LOC128125817: variants seen among roughly 807,000 people sequenced by gnomAD.
the LOC128125817 span, among the ~76,000 whole-genome samples, chr1:41,611,195 C>G: frequency 6.6e-6 from 1 of 152,194 alleles, no homozygotes; most frequent in African/African-American, 2.4e-5. Flanking sequence ...GATGAATAAA[C>G]AAACGCTAAG....
chr1:41,610,724 T>C, the LOC128125817 span, among the ~76,000 whole-genome samples: 1 of 152,230 alleles, frequency 6.6e-6, no homozygotes, highest in African/African-American at 2.4e-5. Context: ...CAATAAATAC[T>C]TACTGAATTC....
At chr1:41,586,648 C>T in the LOC128125817 span, among the ~76,000 whole-genome samples, 5 of 152,102 alleles carry the variant, frequency 3.3e-5, no homozygotes, top group Admixed American at 6.6e-5. Context: ...CCACTTACTA[C>T]ATTTTTGCAG....
chr1:41,598,426 A>G, the LOC128125817 span, among the ~76,000 whole-genome samples: 2 of 152,244 alleles, frequency 1.3e-5, no homozygotes, highest in African/African-American at 2.4e-5. Context: ...CACACACACT[A>G]TAAGATGAAC....
chr1:41,614,400 G>T, the LOC128125817 span, among the ~76,000 whole-genome samples: 1 of 152,220 alleles, frequency 6.6e-6, no homozygotes. Context: ...CATTCTAGGG[G>T]TGGAAAACAG....
the LOC128125817 span, among the ~76,000 whole-genome samples, chr1:41,625,738 AAAAT>A: frequency 6.6e-6 from 1 of 152,230 alleles, no homozygotes; most frequent in Non-Finnish European, 1.5e-5. Context: ...GTATATATCA[AAAAT>A]AAATAAATAA....
chr1:41,614,810 A>C, the LOC128125817 span, among the ~76,000 whole-genome samples: 1 of 152,232 alleles, frequency 6.6e-6, no homozygotes, highest in Non-Finnish European at 1.5e-5. Context: ...AGTTAGCTGC[A>C]CAGTCTCCGT....
At chr1:41,610,761 G>T in the LOC128125817 span, among the ~76,000 whole-genome samples, 1 of 152,122 alleles carries the variant, frequency 6.6e-6, no homozygotes, top group African/African-American at 2.4e-5. Flanking sequence ...TGAGGCATTC[G>T]CACTCTAGGT....
At chr1:41,609,279 C>T in the LOC128125817 span, among the ~76,000 whole-genome samples, 19 of 152,362 alleles carry the variant, frequency 1.2e-4, no homozygotes, top group East Asian at 3.3e-3. Context: ...AGGGGGAACA[C>T]TTCTGATGTT....
At chr1:41,590,460 C>T in the LOC128125817 span, among the ~76,000 whole-genome samples, 5 of 152,202 alleles carry the variant, frequency 3.3e-5, no homozygotes, top group African/African-American at 9.7e-5. Flanking sequence ...CCCTCCACCT[C>T]TCCATTTTGT....
At chr1:41,621,765 G>A in the LOC128125817 span, among the ~76,000 whole-genome samples, 7 of 152,148 alleles carry the variant, frequency 4.6e-5, no homozygotes, top group Non-Finnish European at 2.9e-5. Context: ...TGATCCTCCT[G>A]CCTCAGCCTC....
At chr1:41,625,642 G>A in the LOC128125817 span, among the ~76,000 whole-genome samples, 1 of 152,200 alleles carries the variant, frequency 6.6e-6, no homozygotes, top group Non-Finnish European at 1.5e-5. Flanking sequence ...AGCTGAGATA[G>A]GAGGATCCCT....
At chr1:41,595,961 C>T in the LOC128125817 span, among the ~76,000 whole-genome samples, 1 of 152,106 alleles carries the variant, frequency 6.6e-6, no homozygotes, top group African/African-American at 2.4e-5. Context: ...TTTATGTATA[C>T]ATCTATCCTA....
chr1:41,626,099 T>C, the LOC128125817 span, among the ~76,000 whole-genome samples: 116,812 of 152,222 alleles, frequency 0.77, 45,720 homozygotes, highest in East Asian at 1. Flanking sequence ...TTCTGAAGAG[T>C]GGCTGTGACT....
the LOC128125817 span, among the ~76,000 whole-genome samples, chr1:41,625,157 C>A: frequency 1.5e-5 from 1 of 65,744 alleles, no homozygotes; most frequent in Non-Finnish European, 2.6e-5. Flanking sequence ...AGCGAGATTC[C>A]AACTCAAAAA....
the LOC128125817 span, among the ~76,000 whole-genome samples, chr1:41,621,820 C>T: frequency 6.6e-6 from 1 of 152,198 alleles, no homozygotes; most frequent in Non-Finnish European, 1.5e-5. Flanking sequence ...GCCTGGTCAG[C>T]CCTGCTCTTC....
chr1:41,626,448 C>T, the LOC128125817 span, among the ~76,000 whole-genome samples: 3,617 of 152,266 alleles, frequency 0.024, 156 homozygotes, highest in African/African-American at 0.083. Flanking sequence ...ACAGATTCTT[C>T]CAAGCAGCTG....
the LOC128125817 span, among the ~76,000 whole-genome samples, chr1:41,596,289 G>A: frequency 2.0e-5 from 3 of 152,244 alleles, no homozygotes; most frequent in Admixed American, 6.5e-5. Flanking sequence ...GCGCACTGCT[G>A]CTGCTGGGCT....
the LOC128125817 span, among the ~76,000 whole-genome samples, chr1:41,593,081 G>T: frequency 6.6e-6 from 1 of 152,220 alleles, no homozygotes; most frequent in African/African-American, 2.4e-5. Context: ...GAGACCAGAA[G>T]TTCCAAAGAC....
the LOC128125817 span, among the ~76,000 whole-genome samples, chr1:41,596,179 C>G: frequency 6.6e-6 from 1 of 152,188 alleles, no homozygotes; most frequent in African/African-American, 2.4e-5. Context: ...AACTGTGAAG[C>G]CTCATTATGT....
Sources: allele counts gnomAD v4.1 joint callset (sites outside exome capture counted in the v4.1 genomes callset), GRCh38; gene constraint gnomAD v4.1.1; transcripts MANE v1.5.